KCNMB2: variants seen among roughly 807,000 people sequenced by gnomAD.
KCNMB2 encodes calcium-activated potassium channel subunit beta-2.
A neutral mutation model predicts 24.5 loss-of-function variants in KCNMB2; 9 were observed. The observed-to-expected ratio is 0.37, with a 90% confidence interval of 0.22 to 0.64. The LOEUF is 0.64. Among genes scored for constraint, KCNMB2 ranks in the 30% least tolerant of loss-of-function variants. KCNMB2 has a pLI of 0.63. For synonymous variants in KCNMB2, 109 were observed against 104.4 expected (o/e 1.04, Z -0.27); for missense variants, 226 against 284.3 (o/e 0.79, Z 1.47).
At chr3:178,751,634 A>G (rs1200949496) in intron 1 of KCNMB2, among the ~76,000 whole-genome samples, 1 of 139,852 alleles carries the variant, frequency 7.2e-6, no homozygotes, top group Non-Finnish European at 1.5e-5. Context: ...TGAGTAGATT[A>G]TTTTAGAGCA....
chr3:178,784,737 G>C (rs545856150), intron 1 of KCNMB2, among the ~76,000 whole-genome samples: 1 of 151,802 alleles, frequency 6.6e-6, no homozygotes, highest in East Asian at 1.9e-4. Flanking sequence ...ACATCTTTAA[G>C]TATAATCCTT....
At chr3:178,706,755 G>A (rs937713178) in intron 1 of KCNMB2, among the ~76,000 whole-genome samples, 2 of 152,044 alleles carry the variant, frequency 1.3e-5, no homozygotes, top group African/African-American at 4.8e-5. Flanking sequence ...TTTTGCAAGT[G>A]CGCATTATAG....
At chr3:178,774,591 T>C (rs1712505513) in intron 1 of KCNMB2, among the ~76,000 whole-genome samples, 2 of 152,180 alleles carry the variant, frequency 1.3e-5, no homozygotes, top group Admixed American at 6.5e-5. Context: ...AGAAGAGTTG[T>C]GGACATTCCT....
intron 1 of KCNMB2, among the ~76,000 whole-genome samples, chr3:178,663,406 G>A (rs1309010319): frequency 6.6e-6 from 1 of 152,064 alleles, no homozygotes; most frequent in East Asian, 1.9e-4. Flanking sequence ...TCTTAACCAT[G>A]ACATCACACT....
At chr3:178,789,920 T>G (rs1713256643) in intron 1 of KCNMB2, among the ~76,000 whole-genome samples, 5 of 151,878 alleles carry the variant, frequency 3.3e-5, no homozygotes, top group Admixed American at 2.6e-4. Flanking sequence ...GGAGACACCA[T>G]CCGGGGCAAC....
chr3:178,799,123 C>T (rs1713673255), intron 1 of KCNMB2, among the ~76,000 whole-genome samples: 7 of 152,032 alleles, frequency 4.6e-5, no homozygotes, highest in Admixed American at 4.6e-4. Flanking sequence ...CTGGAACACA[C>T]CAAGGATGCC....
intron 1 of KCNMB2, among the ~76,000 whole-genome samples, chr3:178,557,339 T>C (rs377173652): frequency 1.3e-5 from 2 of 152,128 alleles, no homozygotes; most frequent in Admixed American, 6.5e-5. Flanking sequence ...GGTAGTATAG[T>C]ACCGGGGTGG....
chr3:178,797,133 T>G (rs1713581563), intron 1 of KCNMB2, among the ~76,000 whole-genome samples: 1 of 152,092 alleles, frequency 6.6e-6, no homozygotes, highest in African/African-American at 2.4e-5. Flanking sequence ...TTGGAAAACT[T>G]AGAAGAAACA....
intron 1 of KCNMB2, among the ~76,000 whole-genome samples, chr3:178,761,254 G>A (rs1241223838): frequency 6.6e-6 from 1 of 152,186 alleles, no homozygotes; most frequent in African/African-American, 2.4e-5. Context: ...TGATGTCAAT[G>A]TTTCAAGGCA....
chr3:178,684,137 T>C (rs1386036850), intron 1 of KCNMB2, among the ~76,000 whole-genome samples: 1 of 152,102 alleles, frequency 6.6e-6, no homozygotes, highest in Non-Finnish European at 1.5e-5. Flanking sequence ...AAGAAACTGT[T>C]CTATATATAT....
At chr3:178,568,797 AGATAGATAGATAGATAGATAATAG>A (rs1560112178) in intron 1 of KCNMB2, among the ~76,000 whole-genome samples, 4 of 112,628 alleles carry the variant, frequency 3.6e-5, no homozygotes, top group African/African-American at 1.7e-4. Context: ...ATAGATAGAT[AGATAGATAGATAGATAGATAATAG>A]ATAGATAGAT....
intron 1 of KCNMB2, among the ~76,000 whole-genome samples, chr3:178,604,712 G>T (rs1331904053): frequency 1.3e-5 from 2 of 152,144 alleles, no homozygotes. Context: ...TCATTCATCT[G>T]ATTTATTAGT....
intron 1 of KCNMB2, among the ~76,000 whole-genome samples, chr3:178,672,112 G>A (rs900077644): frequency 9.2e-5 from 14 of 152,182 alleles, no homozygotes; most frequent in Non-Finnish European, 1.8e-4. Context: ...ACTGGCTGAT[G>A]TGGAAGTCTG....
At chr3:178,819,520 C>T (rs1383620718) in intron 2 of KCNMB2, among the ~76,000 whole-genome samples, 11 of 152,116 alleles carry the variant, frequency 7.2e-5, no homozygotes, top group South Asian at 6.2e-4. Context: ...CCCCCACCCC[C>T]ATCCCAGCCA....
At chr3:178,655,097 T>TCTCTCTCTCTCTCTCTCGCTCTCC (rs1720278332) in intron 1 of KCNMB2, among the ~76,000 whole-genome samples, 1 of 35,400 alleles carries the variant, frequency 2.8e-5, no homozygotes, top group African/African-American at 2.2e-4. Flanking sequence ...TAGCTCTCCC[T>TCTCTCTCTCTCTCTCTCGCTCTCC]CTCTCTCTCT....
At chr3:178,595,094 G>C (rs1048779360) in intron 1 of KCNMB2, among the ~76,000 whole-genome samples, 8 of 141,292 alleles carry the variant, frequency 5.7e-5, no homozygotes, top group African/African-American at 2.0e-4. Context: ...TCAATACGAT[G>C]AGGCTGTCAA....
chr3:178,607,624 C>T (rs1320524873), intron 1 of KCNMB2, among the ~76,000 whole-genome samples: 2 of 146,630 alleles, frequency 1.4e-5, no homozygotes, highest in African/African-American at 5.4e-5. Context: ...ATTCATTGTG[C>T]ATGCGTGTGT....
chr3:178,827,069 G>C (rs529213764), intron 3 of KCNMB2, among the ~76,000 whole-genome samples: 25 of 152,272 alleles, frequency 1.6e-4, no homozygotes, highest in Admixed American at 1.3e-3. Flanking sequence ...CACATGCAAA[G>C]GGGTAGGAAG....
intron 4 of KCNMB2, among the ~76,000 whole-genome samples, chr3:178,828,908 CT>C: frequency 6.7e-6 from 1 of 149,522 alleles, no homozygotes; most frequent in East Asian, 2.0e-4. Flanking sequence ...GAGCATGCTA[CT>C]TTCAACCCAT....
Sources: gnomAD v4.1 joint callset for allele counts (sites outside exome capture counted in the v4.1 genomes callset) on GRCh38, gnomAD v4.1.1 for gene constraint, MANE v1.5 for transcripts, NCBI Gene and HGNC (gene_info 2026-07-23, HGNC 2026-07-21) for gene names.